Variants in DNAH12 observed in about 807,000 individuals in gnomAD.
DNAH12 encodes dynein axonemal heavy chain 12.
In DNAH12, 285 loss-of-function variants were observed where a neutral mutation model predicts 371.5. The observed-to-expected ratio is 0.77, with a 90% CI of 0.70 to 0.85. The LOEUF is 0.85. DNAH12 is among the 40% of genes least tolerant of loss of function. The pLI is 0.00. For synonymous variants in DNAH12, 1,200 were observed against 1,213.0 expected (o/e 0.99, Z 0.22); for missense variants, 3,611 against 3,689.4 (o/e 0.98, Z 0.55).
At chr3:57,322,197 G>A in intron 65 of DNAH12, 146 bp downstream of exon 65, 1 of 830,848 alleles carries the variant, frequency 1.2e-6, no homozygotes, top group Non-Finnish European at 1.8e-6. Flanking sequence ...AACAAGATAA[G>A]TACAATTTTT....
In DNAH12 at chr3:57,397,234, C is replaced by G. The variant is rs907442534; in HGVS notation, c.6949-2902G>C. Among the ~76,000 whole-genome samples the G allele has an allele frequency of 7.0e-4, 106 of 152,238 alleles. No homozygotes were observed. The East Asian group carries it at 0.018, about 26-fold the overall frequency. The stretch of plus-strand genomic sequence containing the variant: ...ACATGTATTAGCAATATACAGAACA[C>G]AATTACCTTTGTAAGGACTTTAGAA... On this transcript the variant is annotated intron_variant, in intron 43 of 73. Coordinates refer to ENST00000495027, the MANE Select transcript of DNAH12 (RefSeq NM_001366028.2).
At chr3:57,445,482 T>G in intron 27 of DNAH12, 63 bp from the exon 28 acceptor site, 1 of 1,352,840 alleles carries the variant, frequency 7.4e-7, no homozygotes, top group South Asian at 2.1e-5. Flanking sequence ...AAGCTGAGCA[T>G]AAGTATTCAA....
chr3:57,432,362 TAG>T (rs2064984148), intron 32 of DNAH12, among the ~76,000 whole-genome samples: 1 of 148,912 alleles, frequency 6.7e-6, no homozygotes, highest in South Asian at 2.1e-4. Flanking sequence ...TGTATTTTAG[TAG>T]AGACAGGGTT....
At chr3:57,520,468 A>C (rs1349156583) in intron 4 of DNAH12, among the ~76,000 whole-genome samples, 4 of 134,562 alleles carry the variant, frequency 3.0e-5, no homozygotes, top group Non-Finnish European at 4.7e-5. Context: ...TTTGAGACGG[A>C]GTCTTGCTCT....
intron 4 of DNAH12, among the ~76,000 whole-genome samples, chr3:57,513,124 G>A (rs1227017937): frequency 6.7e-6 from 1 of 148,960 alleles, no homozygotes; most frequent in African/African-American, 2.5e-5. Flanking sequence ...GCAACAGAGT[G>A]AGACTTCATC....
Position 57,301,822 on chromosome 3 carries a change from T to C in DNAH12, c.11307A>G (p.Pro3769=). 6.4e-7 allele frequency: 1 copy of C among 1,551,722 alleles called. No individual in the cohort carries two copies. Among genetic ancestry groups the C allele is most frequent in the South Asian group, 1.2e-5 (1 of 84,058 alleles). The change falls in exon 70 of 74, where the codon CCA becomes CCG. Residue 3769 remains proline, a synonymous_variant. Transcript: ENST00000495027. Reference sequence around the variant, plus strand: ...GGTATGAACGTTTGGCCCATATTTCTGGAACCTTTCCAACAAGTAAGCTAC... The same window carrying C: ...GGTATGAACGTTTGGCCCATATTTCCGGAACCTTTCCAACAAGTAAGCTAC... ...LSGSLLVGKV[P]EIWAKRSYPS...
At chr3:57,297,378 T>G (rs2061253881) in intron 70 of DNAH12, 1 of 181,350 alleles carries the variant, frequency 5.5e-6, no homozygotes, top group Admixed American at 5.7e-5. Context: ...TTTTTTGAGA[T>G]GAAATCGCGC....
intron 4 of DNAH12, among the ~76,000 whole-genome samples, chr3:57,522,372 G>A (rs1054989298): frequency 1.1e-4 from 17 of 152,164 alleles, no homozygotes; most frequent in African/African-American, 4.1e-4. Context: ...TGTATGCCTG[G>A]CTAGGAACAA....
rs1210131051 is a variant in DNAH12 at position 57,544,195 on chromosome 3, A to G, written c.-34+2T>C. 2 of 152,246 alleles carry G rather than the reference A, an allele frequency of 1.3e-5. No homozygotes were observed. The highest frequency in any genetic ancestry group is 2.9e-5 in the Non-Finnish European group (2 of 68,066). The allele number at this position is 152,246 out of a possible 1,614,324, so 9.4% of individuals were successfully genotyped here. A position where few individuals can be genotyped will look rare whatever the true frequency, so the allele number is the denominator to read the frequency against. ...AGGAAGAGAACAGCAGAGAACAAGT[A>G]CCTGATTGTTTCTCACTACTTCCCC... On this transcript the variant is annotated splice_donor_variant, in intron 1 of 73. Coordinates refer to ENST00000495027, the MANE Select transcript of DNAH12 (RefSeq NM_001366028.2). LOFTEE classifies it low-confidence loss of function (5UTR_SPLICE).
chr3:57,403,476 T>G lies in DNAH12; in HGVS notation c.6781A>C (p.Ile2261Leu). ...CCAGATTGCTTTAGAACTCGACATA[T>G]TCTTGATAAATGTTCCAAAACATAC... The part of the protein sequence containing the change: ...FRYVLEHLSR[I>L]CRVLKQSGGN... Residue 2261 changes from isoleucine to leucine, a missense_variant, in exon 43 of 74, where the codon ATA becomes CTA. Around this residue, in one of 3 missense-constraint regions of DNAH12, gnomAD observed 2,266 missense variants for 2,236.9 expected, o/e 1.01. Transcript: ENST00000495027. 6 of 1,549,272 alleles carry G rather than the reference T, an allele frequency of 3.9e-6. No individual in the cohort carries two copies. The highest frequency in any genetic ancestry group is 5.2e-6 in the Non-Finnish European group (6 of 1,146,282).
intron 69 of DNAH12, among the ~76,000 whole-genome samples, chr3:57,308,019 C>T (rs1445786964): frequency 6.6e-6 from 1 of 152,184 alleles, no homozygotes; most frequent in Non-Finnish European, 1.5e-5. Context: ...TGCTATTCTA[C>T]TACTCTTCAG....
intron 66 of DNAH12, among the ~76,000 whole-genome samples, chr3:57,314,016 T>C (rs1319914666): frequency 6.6e-6 from 1 of 152,216 alleles, no homozygotes; most frequent in Non-Finnish European, 1.5e-5. Context: ...GTCTTGGTGA[T>C]ACTTTGAGCT....
chr3:57,393,720 ATT>A (rs1329315016), intron 44 of DNAH12, among the ~76,000 whole-genome samples: 3 of 151,728 alleles, frequency 2.0e-5, no homozygotes, highest in Admixed American at 6.6e-5. Flanking sequence ...ACACGTCACC[ATT>A]GTATTTTTTG....
the DNAH12 span, among the ~76,000 whole-genome samples, chr3:57,555,847 G>C: frequency 8.5e-5 from 13 of 152,248 alleles, no homozygotes. Context: ...CGAAACGAGC[G>C]ATCAGGGTCG....
chr3:57,431,307 A>G (rs574703257), intron 32 of DNAH12, among the ~76,000 whole-genome samples: 5 of 152,268 alleles, frequency 3.3e-5, no homozygotes, highest in East Asian at 1.9e-4. Context: ...ACTCTCTACT[A>G]TAACTCTGGC....
intron 34 of DNAH12, among the ~76,000 whole-genome samples, chr3:57,427,402 A>C (rs1002742110): frequency 1.3e-5 from 2 of 152,024 alleles, no homozygotes; most frequent in Non-Finnish European, 1.5e-5. Context: ...CCATGTGAAG[A>C]TTGGCCGGAT....
At chr3:57,495,591 A>G (rs1559719950) in intron 11 of DNAH12, among the ~76,000 whole-genome samples, 1 of 141,476 alleles carries the variant, frequency 7.1e-6, no homozygotes, top group African/African-American at 2.6e-5. Context: ...TCTCAAAAAA[A>G]TATACATATA....
In DNAH12 at chr3:57,390,424, A is replaced by AAAAAAAAAATATATAT; in HGVS notation, c.7305+1447_7305+1448insATATATATTTTTTTTT. The stretch of plus-strand genomic sequence containing the variant: ...ATCCTGTCTCAAAAAAAAAAAAAAA[A>AAAAAAAAAATATATAT]ATATATATATATATATATATATATA... On this transcript the variant is annotated intron_variant, in intron 45 of 73. Coordinates refer to ENST00000495027, the MANE Select transcript of DNAH12 (RefSeq NM_001366028.2). Among the ~76,000 whole-genome samples, 8 of 33,436 alleles carry AAAAAAAAAATATATAT rather than the reference A, an allele frequency of 2.4e-4. 1 individual carries two copies. The highest frequency in any genetic ancestry group is 5.6e-4 in the Admixed American group (1 of 1,786). The allele number at this position is 33,436 out of a possible 152,430, so 21.9% of individuals were successfully genotyped here.
chr3:57,448,262 T>C (rs1314589803), intron 25 of DNAH12, among the ~76,000 whole-genome samples: 1 of 152,112 alleles, frequency 6.6e-6, no homozygotes, highest in Non-Finnish European at 1.5e-5. Flanking sequence ...TTCCTTCTGG[T>C]GGGTTCGTGG....
Sources: gnomAD v4.1 joint callset for allele counts (sites outside exome capture counted in the v4.1 genomes callset) on GRCh38, gnomAD v4.1.1 for gene constraint, gnomAD v4.1.1 regional missense constraint, MANE v1.5 for transcripts, NCBI Gene and HGNC (gene_info 2026-07-23, HGNC 2026-07-21) for gene names.